MED12L: variants seen among roughly 807,000 people sequenced by gnomAD.
MED12L encodes mediator complex subunit 12L.
A neutral mutation model predicts 281.3 loss-of-function variants in MED12L; 60 were observed. That is an observed-to-expected ratio of 0.21 (90% CI 0.17 to 0.26). The LOEUF (loss-of-function observed/expected upper bound fraction) is 0.26. Among genes scored for constraint, MED12L ranks in the 10% least tolerant of loss-of-function variants. The pLI is 1.00. For synonymous variants in MED12L, 974 were observed against 987.2 expected, an observed-to-expected ratio of 0.99 and a Z score of 0.25; for missense variants, 2,146 against 2,680.9, an observed-to-expected ratio of 0.80 and a Z score of 4.41.
intron 16 of MED12L, among the ~76,000 whole-genome samples, chr3:151,222,776 C>G (rs1729638897): frequency 6.6e-6 from 1 of 152,048 alleles, no homozygotes; most frequent in South Asian, 2.1e-4. Flanking sequence ...TCATTTTTTT[C>G]CCCCAGATCC....
intron 4 of MED12L, among the ~76,000 whole-genome samples, chr3:151,125,699 A>G (rs1445689034): frequency 2.6e-5 from 4 of 152,194 alleles, no homozygotes; most frequent in Non-Finnish European, 4.4e-5. Context: ...CTTGAACTGA[A>G]TATTGAACTC....
At chr3:151,221,720 G>T (rs570704180) in intron 16 of MED12L, among the ~76,000 whole-genome samples, 1 of 152,230 alleles carries the variant, frequency 6.6e-6, no homozygotes, top group Non-Finnish European at 1.5e-5. Context: ...GAAATGCCTG[G>T]ATGTCCAGGC....
At chr3:151,162,733 C>T (rs1720163695) in intron 8 of MED12L, among the ~76,000 whole-genome samples, 2 of 152,140 alleles carry the variant, frequency 1.3e-5, no homozygotes, top group African/African-American at 4.8e-5. Context: ...GCCACTGTGC[C>T]TGGCCAGCTT....
At chr3:151,108,601 T>G (rs1711497152) in intron 2 of MED12L, among the ~76,000 whole-genome samples, 2 of 152,210 alleles carry the variant, frequency 1.3e-5, no homozygotes, top group African/African-American at 4.8e-5. Flanking sequence ...TAACTCAGCC[T>G]TCTTGACTAG....
At position 151,337,715 on chromosome 3, in the gene MED12L, A is replaced by T. The variant is rs1031813991; in HGVS notation, c.2251-12344A>T. ...CTTCTGTTTCTTTAGAGTCATTATT[A>T]TTAACTTAGTTGCTTCTTCGTCAGT... On this transcript the variant is annotated intron_variant, in intron 16 of 44. Coordinates refer to ENST00000687756, the MANE Select transcript of MED12L (RefSeq NM_001393769.1). 4.3e-6 allele frequency: 5 copies of T among 1,157,004 alleles called. No individual in the cohort carries two copies. The African/African-American group carries it at 7.7e-5, about 18-fold the overall frequency. 71.7% of individuals were successfully genotyped at this position (1,157,004 alleles called of 1,614,324 possible).
intron 38 of MED12L, among the ~76,000 whole-genome samples, chr3:151,394,445 A>G (rs144176983): frequency 6.6e-6 from 1 of 152,366 alleles, no homozygotes; most frequent in Non-Finnish European, 1.5e-5. Flanking sequence ...AAATTAAAGT[A>G]GTATAATTCA....
chr3:151,145,372 C>G (rs983638809), intron 5 of MED12L, among the ~76,000 whole-genome samples: 6 of 152,204 alleles, frequency 3.9e-5, no homozygotes, highest in African/African-American at 1.4e-4. Context: ...TGAACACATT[C>G]TTTAAGGCAT....
intron 16 of MED12L, among the ~76,000 whole-genome samples, chr3:151,332,737 G>GT (rs1560039297): frequency 7.4e-6 from 1 of 134,720 alleles, no homozygotes; most frequent in Non-Finnish European, 1.6e-5. Flanking sequence ...AGACTGACGT[G>GT]ATTTTTTTTT....
chr3:151,217,636 C>G (rs1728501131), intron 16 of MED12L, among the ~76,000 whole-genome samples: 2 of 152,224 alleles, frequency 1.3e-5, no homozygotes. Context: ...TTGGGTGCCT[C>G]TGCTACCCTG....
At chr3:151,336,622 G>C in intron 16 of MED12L, 1 of 447,314 alleles carries the variant, frequency 2.2e-6, no homozygotes, top group Non-Finnish European at 4.5e-6. Flanking sequence ...TTAAAATAGC[G>C]AATATGCCTT....
chr3:151,257,054 G>A (rs949725947), intron 16 of MED12L, among the ~76,000 whole-genome samples: 2 of 152,042 alleles, frequency 1.3e-5, no homozygotes, highest in Non-Finnish European at 2.9e-5. Context: ...GCACGATACA[G>A]CTGCTTCTGA....
chr3:151,156,910 A>G (rs755999311), intron 6 of MED12L, among the ~76,000 whole-genome samples: 42 of 152,160 alleles, frequency 2.8e-4, no homozygotes, highest in Non-Finnish European at 2.1e-4. Flanking sequence ...ATTAGCAGAG[A>G]TTTTAGTGCC....
chr3:151,166,453 A>G (rs1440730611), intron 11 of MED12L, among the ~76,000 whole-genome samples: 2 of 152,106 alleles, frequency 1.3e-5, no homozygotes, highest in Non-Finnish European at 2.9e-5. Flanking sequence ...AAGTGTATGT[A>G]TATATATGTG....
In MED12L at chr3:151,430,868, C is replaced by T. The variant is rs1170499487; in HGVS notation, c.6490+488C>T. ...GTGACTCATAAATCAAAACCTATAA[C>T]ATCATACACAGCATGATCGAGACAG... On this transcript the variant is annotated intron_variant, in intron 44 of 44. Coordinates refer to ENST00000687756, the MANE Select transcript of MED12L (RefSeq NM_001393769.1). Among the ~76,000 whole-genome samples the T allele has an allele frequency of 2.0e-5, 3 of 150,434 alleles. No homozygotes were observed. In the East Asian group the frequency reaches 5.9e-4, roughly 30 times the overall value.
chr3:151,321,387 C>T (rs773927415), intron 16 of MED12L, among the ~76,000 whole-genome samples: 1 of 152,052 alleles, frequency 6.6e-6, no homozygotes, highest in South Asian at 2.1e-4. Flanking sequence ...TTCATTCATT[C>T]ACAGTTTGGG....
chr3:151,214,202 G>C lies in MED12L; in HGVS notation c.2250+20536G>C, dbSNP rs147590222. The C allele has an allele frequency of 2.6e-4, 414 of 1,613,738 alleles. No homozygotes were observed. Among genetic ancestry groups the C allele is most frequent in the Non-Finnish European group, 3.3e-4 (386 of 1,179,738 alleles). On this transcript the variant is annotated intron_variant, in intron 16 of 44. Transcript: ENST00000687756. ...AATATCCATCCTGACACTCCATTGA[G>C]TAGGATTCCTGCAATGAAGACCATA...
chr3:151,260,558 C>T (rs944531352), intron 16 of MED12L, among the ~76,000 whole-genome samples: 2 of 151,952 alleles, frequency 1.3e-5, no homozygotes, highest in African/African-American at 2.4e-5. Flanking sequence ...ACAATGTTGC[C>T]GTGGTCGGTC....
intron 16 of MED12L, chr3:151,328,749 C>T (rs987493533): frequency 1.7e-5 from 28 of 1,613,800 alleles, no homozygotes; most frequent in Non-Finnish European, 2.1e-5. Flanking sequence ...AGGTGTGAGT[C>T]AGAGAGGATT....
At chr3:151,205,310 A>T (rs1367218261) in intron 16 of MED12L, among the ~76,000 whole-genome samples, 1 of 152,176 alleles carries the variant, frequency 6.6e-6, no homozygotes, top group Admixed American at 6.5e-5. Context: ...TAATCTATTC[A>T]TTACTTATGA....
Sources: gnomAD v4.1 joint callset for allele counts (sites outside exome capture counted in the v4.1 genomes callset) on GRCh38, gnomAD v4.1.1 for gene constraint, MANE v1.5 for transcripts, NCBI Gene and HGNC (gene_info 2026-07-23, HGNC 2026-07-21) for gene names.